ROBO2: variants seen among roughly 807,000 people sequenced by gnomAD.
The protein encoded by ROBO2 is roundabout homolog 2.
ROBO2 carries 53 observed loss-of-function variants against 160.8 expected under a neutral mutation model. The ratio of observed to expected loss-of-function variants is 0.33; its 90% CI spans 0.26 to 0.41. The LOEUF is 0.41. Ranked by LOEUF, ROBO2 falls within the 10% of genes least tolerant of loss-of-function variation. The pLI, the probability that ROBO2 is intolerant of heterozygous loss-of-function variation, is 1.00. For synonymous variants in ROBO2, 664 were observed against 611.7 expected (o/e 1.09, Z -1.26); for missense variants, 1,577 against 1,722.4 (o/e 0.92, Z 1.49).
chr3:77,106,269 T>C (rs1274660334), intron 2 of ROBO2, among the ~76,000 whole-genome samples: 1 of 152,062 alleles, frequency 6.6e-6, no homozygotes, highest in East Asian at 1.9e-4. Flanking sequence ...TCTTGAACTC[T>C]TGGCCTCAAG....
intron 2 of ROBO2, among the ~76,000 whole-genome samples, chr3:76,630,249 T>C (rs1208040227): frequency 6.6e-6 from 1 of 152,180 alleles, no homozygotes; most frequent in African/African-American, 2.4e-5. Flanking sequence ...CATGTCTGCA[T>C]GAGTGTGGGT....
At chr3:76,133,182 A>G (rs1399711801) in intron 2 of ROBO2, among the ~76,000 whole-genome samples, 1 of 152,118 alleles carries the variant, frequency 6.6e-6, no homozygotes, top group Non-Finnish European at 1.5e-5. Context: ...TAAACTTCTT[A>G]GCCCAGGGTA....
At chr3:77,424,546 T>C (rs976856624) in intron 2 of ROBO2, among the ~76,000 whole-genome samples, 5 of 152,184 alleles carry the variant, frequency 3.3e-5, no homozygotes, top group African/African-American at 1.2e-4. Context: ...TAGAATAGGA[T>C]TGAAAATTAA....
exon 26 of ROBO2, chr3:77,646,065 G>A (rs752556256): frequency 1.3e-6 from 2 of 1,592,256 alleles, no homozygotes; most frequent in Admixed American, 1.7e-5. Context: ...GTAAATGAGA[G>A]GAGACATACA....
intron 2 of ROBO2, among the ~76,000 whole-genome samples, chr3:77,180,942 A>G (rs1579711251): frequency 3.3e-5 from 5 of 152,086 alleles, no homozygotes; most frequent in Admixed American, 3.3e-4. Context: ...AAAAAGAGTT[A>G]CTTCTGGACC....
chr3:77,469,999 C>T (rs1253564668), intron 2 of ROBO2, among the ~76,000 whole-genome samples: 2 of 152,262 alleles, frequency 1.3e-5, no homozygotes, highest in African/African-American at 4.8e-5. Flanking sequence ...ACAGTATGTA[C>T]TTCAGAAAGG....
At chr3:76,790,587 C>A (rs534425571) in intron 2 of ROBO2, among the ~76,000 whole-genome samples, 20 of 151,832 alleles carry the variant, frequency 1.3e-4, no homozygotes, top group Non-Finnish European at 2.8e-4. Context: ...ATGCTCAGAA[C>A]ATTGTGTTAC....
chr3:77,005,468 C>T (rs2061534759), intron 2 of ROBO2, among the ~76,000 whole-genome samples: 1 of 152,128 alleles, frequency 6.6e-6, no homozygotes, highest in Admixed American at 6.5e-5. Flanking sequence ...GATCATCGTT[C>T]AGTTCTAATG....
intron 2 of ROBO2, among the ~76,000 whole-genome samples, chr3:76,249,297 A>C (rs1705835873): frequency 6.6e-6 from 1 of 152,130 alleles, no homozygotes; most frequent in African/African-American, 2.4e-5. Flanking sequence ...TTGGAGAGTC[A>C]GGACTTGAGC....
chr3:76,414,211 A>G lies in ROBO2; in HGVS notation c.109+476609A>G, dbSNP rs1442164623. ...AGATACAATTCAAGTTGAGATTTCA[A>G]TGGGGACATGGCCAAAGCATATCAT... On this transcript the variant is annotated intron_variant, in intron 2 of 26. Coordinates refer to the ROBO2 transcript ENST00000487694. Among the ~76,000 whole-genome samples, 9 of 152,184 alleles carry G rather than the reference A, an allele frequency of 5.9e-5. No homozygotes were observed. In the East Asian group the frequency reaches 1.7e-3, roughly 29 times the overall value.
intron 2 of ROBO2, among the ~76,000 whole-genome samples, chr3:77,395,142 T>C (rs1252054140): frequency 6.6e-6 from 1 of 152,152 alleles, no homozygotes. Context: ...CTCCTCCATA[T>C]AGGATTGCCA....
intron 2 of ROBO2, among the ~76,000 whole-genome samples, chr3:76,362,630 A>C (rs1231434445): frequency 6.6e-6 from 1 of 152,102 alleles, no homozygotes; most frequent in African/African-American, 2.4e-5. Flanking sequence ...TGCTTTGAGC[A>C]TATTCTACAT....
chr3:76,610,305 C>T (rs1237916865), intron 2 of ROBO2, among the ~76,000 whole-genome samples: 1 of 152,122 alleles, frequency 6.6e-6, no homozygotes, highest in Non-Finnish European at 1.5e-5. Flanking sequence ...TCACTCGGGG[C>T]CCCCTGGGTT....
intron 2 of ROBO2, among the ~76,000 whole-genome samples, chr3:76,665,578 C>G (rs1215598133): frequency 6.7e-6 from 1 of 150,212 alleles, no homozygotes; most frequent in Non-Finnish European, 1.5e-5. Flanking sequence ...GGAACAATAC[C>G]AATAAATACA....
intron 2 of ROBO2, among the ~76,000 whole-genome samples, chr3:76,566,828 TGCATAAC>T (rs1304389564): frequency 2.6e-5 from 4 of 152,138 alleles, no homozygotes; most frequent in Non-Finnish European, 5.9e-5. Context: ...AAAAAATCTC[TGCATAAC>T]TTCAGCATCC....
chr3:76,879,434 T>C (rs1409381456), intron 2 of ROBO2, among the ~76,000 whole-genome samples: 1 of 152,066 alleles, frequency 6.6e-6, no homozygotes, highest in African/African-American at 2.4e-5. Flanking sequence ...GAATAGGTGG[T>C]AGTGGGAAAA....
intron 2 of ROBO2, among the ~76,000 whole-genome samples, chr3:76,169,488 A>G (rs2072957209): frequency 6.6e-6 from 1 of 152,156 alleles, no homozygotes; most frequent in African/African-American, 2.4e-5. Flanking sequence ...TCCTTGCCTA[A>G]TGTAAGGCCC....
In ROBO2 at chr3:76,130,753, G is replaced by C. The variant is rs548553325; in HGVS notation, c.109+193151G>C. ...TTGGTGGGAATTAATAACAATTCAT[G>C]TTCTAAAAAAATTAGCATTCTGTAG... On this transcript the variant is annotated intron_variant, in intron 2 of 26. Transcript: ENST00000487694. 3.0e-4 allele frequency among the ~76,000 whole-genome samples: 45 copies of C among 152,206 alleles called. 1 individual carries two copies. In the South Asian group the frequency reaches 8.5e-3, roughly 29 times the overall value.
chr3:76,222,363 G>T (rs983082777), intron 2 of ROBO2, among the ~76,000 whole-genome samples: 2 of 152,124 alleles, frequency 1.3e-5, no homozygotes, highest in Non-Finnish European at 2.9e-5. Flanking sequence ...AGGAAAGAAA[G>T]TATACTTGGA....
Sources: allele counts gnomAD v4.1 joint callset (sites outside exome capture counted in the v4.1 genomes callset), GRCh38; gene constraint gnomAD v4.1.1; transcripts MANE v1.5; gene names NCBI Gene and HGNC (gene_info 2026-07-23, HGNC 2026-07-21).